TOP3A: variants seen among roughly 807,000 people sequenced by gnomAD.
The protein encoded by TOP3A is DNA topoisomerase 3-alpha.
In TOP3A, 64 loss-of-function variants were observed where a neutral mutation model predicts 111.3. That is an observed-to-expected ratio of 0.57 (90% CI 0.47 to 0.71). The LOEUF is 0.71. Among genes scored for constraint, TOP3A ranks in the 30% least tolerant of loss-of-function variants. The pLI is 0.00. For missense variants in TOP3A, 1,104 were observed against 1,285.0 expected (o/e 0.86, Z 2.15); for synonymous variants, 484 against 485.1 (o/e 1.00, Z 0.03).
chr17:18,306,000 G>A (rs936226138), intron 4 of TOP3A, among the ~76,000 whole-genome samples: 1 of 151,486 alleles, frequency 6.6e-6, no homozygotes, highest in Non-Finnish European at 1.5e-5. Context: ...TCAGGAGTTC[G>A]AGACCAGCCT....
chr17:18,274,347 C>T lies in TOP3A; in HGVS notation c.*455G>A, dbSNP rs17732686. On this transcript the variant is annotated 3_prime_UTR_variant, in exon 19 of 19. Coordinates refer to ENST00000321105, the MANE Select transcript of TOP3A (RefSeq NM_004618.5). ...TTACCACAGCCATTTCCTTGCATTA[C>T]ACCGTCCTTCTCAGGACGTCTATGA... 0.11 allele frequency: 17,198 copies of T among 154,244 alleles called. 1,061 individuals carry two copies. The highest frequency in any genetic ancestry group is 0.18 in the South Asian group (901 of 4,930). 9.6% of individuals were successfully genotyped at this position (154,244 alleles called of 1,614,324 possible). A position where few individuals can be genotyped will look rare whatever the true frequency, so the allele number is the denominator to read the frequency against.
intron 1 of TOP3A, chr17:18,312,272 G>C (rs12949078): frequency 0.36 from 54,848 of 152,388 alleles, 10,885 homozygotes; most frequent in African/African-American, 0.52. Flanking sequence ...CCAGCAAAGG[G>C]GATGTCGCTA....
intron 15 of TOP3A, among the ~76,000 whole-genome samples, chr17:18,284,489 A>AC (rs1979969324): frequency 6.6e-6 from 1 of 152,176 alleles, no homozygotes; most frequent in South Asian, 2.1e-4. Context: ...TCCCAAGGCT[A>AC]CCCAGGAGCC....
chr17:18,285,562 C>T (rs775696891), intron 13 of TOP3A, 42 bp from the exon 14 acceptor site: 3 of 1,577,638 alleles, frequency 1.9e-6, no homozygotes, highest in East Asian at 4.5e-5. Context: ...ATACAGACAA[C>T]AGCTCCACCC....
Position 18,302,415 on chromosome 17 carries a change from G to C in TOP3A, c.663C>G (p.Phe221Leu). The change falls in exon 7 of 19, where the codon TTC becomes TTG. Residue 221 changes from phenylalanine to leucine, a missense_variant. Coordinates refer to ENST00000321105, the MANE Select transcript of TOP3A (RefSeq NM_004618.5). The part of the protein sequence containing the change: ...DLRIGAAFTR[F>L]QTLRLQRIFP... The stretch of plus-strand genomic sequence containing the variant: ...AAATCCTCTGAAGCCGCAGGGTCTG[G>C]AACCTAGTAAAGGCAGCTCCTGGAG... The C allele has an allele frequency of 6.2e-7, 1 of 1,610,410 alleles. No individual in the cohort carries two copies. The highest frequency in any genetic ancestry group is 1.1e-5 in the South Asian group (1 of 90,820).
At chr17:18,302,043 C>T (rs1750239340) in intron 7 of TOP3A, 58 bp from the exon 8 acceptor site, 2 of 1,538,516 alleles carry the variant, frequency 1.3e-6, no homozygotes, top group Admixed American at 3.6e-5. Flanking sequence ...CATGATATGA[C>T]AGATAGAAAA....
chr17:18,309,397 C>T (rs546224101), intron 1 of TOP3A, among the ~76,000 whole-genome samples: 44 of 152,248 alleles, frequency 2.9e-4, no homozygotes, highest in African/African-American at 1.1e-3. Context: ...TTCAAATACA[C>T]TTTGGGAGGC....
intron 9 of TOP3A, among the ~76,000 whole-genome samples, chr17:18,297,568 G>A (rs1267848929): frequency 6.6e-5 from 10 of 152,214 alleles, no homozygotes; most frequent in Non-Finnish European, 1.3e-4. Flanking sequence ...GATTGCAGGC[G>A]CGCGCCGCCA....
intron 18 of TOP3A, 61 bp downstream of exon 18, chr17:18,277,614 G>C: frequency 6.5e-7 from 1 of 1,541,806 alleles, no homozygotes; most frequent in Non-Finnish European, 8.8e-7. Flanking sequence ...GCTGTCCCCA[G>C]TCTCTGAGGT....
chr17:18,314,770 A>G lies in TOP3A; in HGVS notation c.9T>C (p.Phe3=). ...ACCGGAGCGCGTAGCGGGCGACAGG[A>G]AAGATCATCCTCAGACCTCGCGCCC... The part of the protein sequence containing the change: MI[F]PVARYALRWL... Residue 3 remains phenylalanine (F), a synonymous_variant, in exon 1 of 19, where the codon TTT becomes TTC. Coordinates refer to ENST00000321105, the MANE Select transcript of TOP3A (RefSeq NM_004618.5). 1 of 1,549,308 alleles carries G rather than the reference A, an allele frequency of 6.5e-7. No homozygotes were observed. Among genetic ancestry groups the G allele is most frequent in the Non-Finnish European group, 8.7e-7 (1 of 1,146,688 alleles).
At chr17:18,287,912 C>G (rs1030156860) in intron 13 of TOP3A, among the ~76,000 whole-genome samples, 2 of 151,484 alleles carry the variant, frequency 1.3e-5, no homozygotes, top group African/African-American at 4.9e-5. Flanking sequence ...ACAGGAGAAT[C>G]GCTTGAACCT....
rs1982145716 is a variant in TOP3A at position 18,314,723 on chromosome 17, C to A, written c.56G>T (p.Arg19Leu). The change falls in exon 1 of 19, where the codon CGT becomes CTT. Residue 19 changes from arginine (R) to leucine (L), a missense_variant. Physicochemically the swap from Arg to Leu is moderately radical, Grantham distance 102. Transcript: ENST00000321105. ...CTCCATGGCGGCGCGGGAAAAGGCA[C>A]GGTCTTCGGGCCGTCGCAGCCACCG... The part of the protein sequence containing the change: ...ALRWLRRPED[R>L]AFSRAAMEMA... 1 of 1,596,736 alleles carries A rather than the reference C, an allele frequency of 6.3e-7. No individual in the cohort carries two copies.
chr17:18,305,956 CT>C (rs1372338879), intron 4 of TOP3A, among the ~76,000 whole-genome samples: 1 of 150,584 alleles, frequency 6.6e-6, no homozygotes, highest in South Asian at 2.1e-4. Flanking sequence ...AATCCCAAAA[CT>C]TTAGGAGGCT....
intron 1 of TOP3A, chr17:18,313,191 A>G (rs1982019482): frequency 6.5e-6 from 1 of 152,902 alleles, no homozygotes; most frequent in Admixed American, 6.5e-5. Context: ...GGTGATATTG[A>G]GGACTTCGTG....
rs1375479197 is a variant in TOP3A, at chr17:18,271,551, C to T, written c.*3251G>A. 4.3e-6 allele frequency: 1 copy of T among 232,938 alleles called. No individual in the cohort carries two copies. Among genetic ancestry groups the T allele is most frequent in the Non-Finnish European group, 8.7e-6 (1 of 114,846 alleles). 14.4% of individuals were successfully genotyped at this position (232,938 alleles called of 1,614,324 possible). A position where few individuals can be genotyped will look rare whatever the true frequency, so the allele number is the denominator to read the frequency against. ...CTGGGGCTCCAAGGATGAGGCTGCA[C>T]ACCCAGGGTGGCAGAAGAGGCCAGG... On this transcript the variant is annotated 3_prime_UTR_variant, in exon 19 of 19. Transcript: ENST00000321105.
chr17:18,301,486 C>A (rs1981224659), intron 8 of TOP3A, among the ~76,000 whole-genome samples: 1 of 152,174 alleles, frequency 6.6e-6, no homozygotes, highest in South Asian at 2.1e-4. Context: ...AATTAGCCCA[C>A]TAATTTGTGA....
At chr17:18,292,616 C>T in intron 11 of TOP3A, 29 bp downstream of exon 11, 2 of 1,517,208 alleles carry the variant, frequency 1.3e-6, no homozygotes, top group South Asian at 1.3e-5. Context: ...CTATGGGTTC[C>T]AGCAGGCAGT....
At chr17:18,296,791 G>T (rs1370089410) in intron 9 of TOP3A, among the ~76,000 whole-genome samples, 1 of 152,050 alleles carries the variant, frequency 6.6e-6, no homozygotes. Flanking sequence ...AAATTTTCCT[G>T]CTAAGTGGTG....
intron 9 of TOP3A, among the ~76,000 whole-genome samples, chr17:18,297,350 G>A (rs1438482534): frequency 2.6e-5 from 4 of 152,142 alleles, no homozygotes; most frequent in African/African-American, 4.8e-5. Context: ...ACTTGAACCC[G>A]GGAGGCAGAA....
Sources: allele counts gnomAD v4.1 joint callset (sites outside exome capture counted in the v4.1 genomes callset), GRCh38; gene constraint gnomAD v4.1.1; transcripts MANE v1.5; gene names NCBI Gene and HGNC (gene_info 2026-07-23, HGNC 2026-07-21).